The following POLA1 variants were observed in gnomAD, a reference collection of about 807,000 sequenced individuals.
POLA1 encodes DNA polymerase alpha 1, catalytic subunit, also known as DNA polymerase alpha catalytic subunit.
POLA1 carries 15 observed loss-of-function variants against 124.0 expected under a neutral mutation model. The observed-to-expected ratio is 0.12, with a 90% confidence interval of 0.08 to 0.19. POLA1 has a LOEUF of 0.19. Among genes scored for constraint, POLA1 ranks in the 10% least tolerant of loss-of-function variants. The probability of loss-of-function intolerance (pLI) is 1.00; values close to 1 mark genes in which losing one functional copy is unlikely to be tolerated. For synonymous variants in POLA1, 408 were observed against 389.4 expected (o/e 1.05, Z -0.56); for missense variants, 886 against 1,103.4 (o/e 0.80, Z 2.79).
At chrX:24,811,370 A>G (rs1406864777) in intron 28 of POLA1, among the ~76,000 whole-genome samples, 1 of 108,454 alleles carries the variant, frequency 9.2e-6, no homozygotes, top group East Asian at 2.9e-4. Flanking sequence ...ACTCCCTGCA[A>G]CCTCTGACTC....
intron 36 of POLA1, among the ~76,000 whole-genome samples, chrX:24,946,017 A>C (rs773686871): frequency 8.9e-6 from 1 of 112,044 alleles, no homozygotes; most frequent in South Asian, 3.8e-4. Context: ...AAAATTGGCT[A>C]TAAAGCACAT....
At chrX:24,933,552 C>T (rs909869219) in intron 36 of POLA1, among the ~76,000 whole-genome samples, 4 of 111,680 alleles carry the variant, frequency 3.6e-5, no homozygotes, top group Middle Eastern at 4.7e-3. Flanking sequence ...CAACAAGTGC[C>T]CCGTAACTGG....
At chrX:24,810,439 T>A (rs2045880164) in intron 27 of POLA1, among the ~76,000 whole-genome samples, 1 of 111,577 alleles carries the variant, frequency 9.0e-6, no homozygotes, top group South Asian at 3.8e-4. Context: ...GTATTTTGTT[T>A]CAGTTGAAAC....
intron 35 of POLA1, among the ~76,000 whole-genome samples, chrX:24,928,011 A>C (rs2047719931): frequency 8.9e-6 from 1 of 112,197 alleles, no homozygotes; most frequent in African/African-American, 3.2e-5. Flanking sequence ...TTTAAACTAT[A>C]GTTTTCTCTG....
intron 36 of POLA1, among the ~76,000 whole-genome samples, chrX:24,986,032 C>T (rs1410883198): frequency 2.7e-5 from 3 of 111,610 alleles, no homozygotes; most frequent in Non-Finnish European, 5.6e-5. Flanking sequence ...ATTAGCTAGA[C>T]GTGGTGGCAC....
chrX:24,982,820 C>A (rs1376543634), intron 36 of POLA1, among the ~76,000 whole-genome samples: 14 of 110,527 alleles, frequency 1.3e-4, no homozygotes, highest in Non-Finnish European at 7.6e-5. Flanking sequence ...CAGCTGTATA[C>A]GTTGTATTTG....
At chrX:24,957,101 G>A (rs2048115153) in intron 36 of POLA1, among the ~76,000 whole-genome samples, 1 of 111,710 alleles carries the variant, frequency 9.0e-6, no homozygotes, top group Non-Finnish European at 1.9e-5. Context: ...GCTGTTGGCT[G>A]GAATGGTTCA....
intron 19 of POLA1, among the ~76,000 whole-genome samples, chrX:24,738,137 C>T (rs1238306087): frequency 7.3e-5 from 7 of 95,637 alleles, no homozygotes; most frequent in African/African-American, 2.2e-4. Flanking sequence ...GGCGTGAACC[C>T]GGGAAGCGGA....
At chrX:24,739,135 A>G (rs1435356904) in intron 19 of POLA1, among the ~76,000 whole-genome samples, 1 of 111,359 alleles carries the variant, frequency 9.0e-6, no homozygotes, top group Non-Finnish European at 1.9e-5. Flanking sequence ...CTTGTTTATG[A>G]TGTCTGTTTT....
At chrX:24,837,416 C>T (rs1225844773) in intron 32 of POLA1, among the ~76,000 whole-genome samples, 1 of 111,714 alleles carries the variant, frequency 9.0e-6, no homozygotes, top group Non-Finnish European at 1.9e-5. Flanking sequence ...TGTCTTGTTG[C>T]ATGTAGCAGT....
chrX:24,888,697 A>C (rs1271360401), intron 35 of POLA1, among the ~76,000 whole-genome samples: 1 of 91,186 alleles, frequency 1.1e-5, no homozygotes, highest in East Asian at 3.4e-4. Flanking sequence ...ACCTCAGCCT[A>C]CCGAGTAGCT....
chrX:24,725,878 C>A (rs1930509593), intron 12 of POLA1, 103 bp from the exon 13 acceptor site: 1 of 538,692 alleles, frequency 1.9e-6, no homozygotes, highest in South Asian at 3.4e-5. Flanking sequence ...CCTTTGTGTT[C>A]CATAAGGATT....
In POLA1 at chrX:24,735,396, C is replaced by T. The variant is rs757070068; in HGVS notation, c.1834-3C>T. ...CAGTGACTGGTGTGTTTTTATCTAA[C>T]AGAATGTGAAGGTTGAGGTTGCTGC... On this transcript the variant is annotated splice_polypyrimidine_tract_variant and splice_region_variant and intron_variant, in intron 17 of 36. Coordinates refer to ENST00000379068, the MANE Select transcript of POLA1 (RefSeq NM_001330360.2). The T allele has an allele frequency of 1.5e-5, 18 of 1,174,891 alleles. No individual in the cohort carries two copies. Among genetic ancestry groups the T allele is most frequent in the Non-Finnish European group, 2.1e-5 (18 of 862,157 alleles).
intron 36 of POLA1, among the ~76,000 whole-genome samples, chrX:24,968,510 T>C (rs754328708): frequency 7.3e-5 from 8 of 110,010 alleles, no homozygotes; most frequent in South Asian, 3.9e-4. Context: ...CCATCCTGGC[T>C]AACACGGTGA....
intron 30 of POLA1, among the ~76,000 whole-genome samples, chrX:24,817,481 G>A (rs1316180237): frequency 9.2e-6 from 1 of 108,207 alleles, no homozygotes; most frequent in East Asian, 2.9e-4. Flanking sequence ...GGTGGTAGGC[G>A]CCTGTAATCC....
chrX:24,812,607 C>A, intron 28 of POLA1, 51 bp from the exon 29 acceptor site: 2 of 719,283 alleles, frequency 2.8e-6, no homozygotes, highest in Non-Finnish European at 4.3e-6. Context: ...TGTTCATCTT[C>A]TCCCTATTAG....
At chrX:24,895,868 A>G (rs892154542) in intron 35 of POLA1, among the ~76,000 whole-genome samples, 1 of 112,695 alleles carries the variant, frequency 8.9e-6, no homozygotes, top group African/African-American at 3.2e-5. Flanking sequence ...CATTTTAATC[A>G]GTATGCTTTG....
intron 35 of POLA1, among the ~76,000 whole-genome samples, chrX:24,907,172 C>A (rs1000459442): frequency 6.3e-5 from 7 of 110,772 alleles, no homozygotes; most frequent in Non-Finnish European, 1.3e-4. Context: ...GCCTGCGCGA[C>A]AGAGCAAGAC....
intron 34 of POLA1, among the ~76,000 whole-genome samples, chrX:24,844,411 C>G (rs2046448924): frequency 9.5e-6 from 1 of 105,137 alleles, no homozygotes; most frequent in Admixed American, 1.0e-4. Context: ...GTCATCTAAA[C>G]AAATTTTCTG....
Sources: allele counts gnomAD v4.1 joint callset (sites outside exome capture counted in the v4.1 genomes callset), GRCh38; gene constraint gnomAD v4.1.1; transcripts MANE v1.5; gene names NCBI Gene and HGNC (gene_info 2026-07-23, HGNC 2026-07-21).